The following PINLYP variants were observed in gnomAD, a reference collection of about 807,000 sequenced individuals.
PINLYP encodes phospholipase A2 inhibitor and LY6/PLAUR domain containing, also known as phospholipase A2 inhibitor and Ly6/PLAUR domain-containing protein.
In PINLYP, 12 loss-of-function variants were observed where a neutral mutation model predicts 15.8. That is an observed-to-expected ratio of 0.76 (90% CI 0.49 to 1.23). PINLYP has a LOEUF of 1.23. Ranked by LOEUF, PINLYP falls within the 50% of genes most tolerant of loss-of-function variation. The pLI, the probability that PINLYP is intolerant of heterozygous loss-of-function variation, is 0.00. For synonymous variants in PINLYP, 93 were observed against 97.7 expected, an observed-to-expected ratio of 0.95 and a Z score of 0.28; for missense variants, 278 against 264.2, an observed-to-expected ratio of 1.05 and a Z score of -0.36.
rs1041464439 is a variant in PINLYP at position 43,581,744 on chromosome 19, G to C, written c.481+41G>C. 3.3e-6 allele frequency: 5 copies of C among 1,535,792 alleles called. No homozygotes were observed. The Admixed American group carries it at 7.9e-5, about 24-fold the overall frequency. On this transcript the variant is annotated intron_variant, in intron 5 of 5. Coordinates refer to ENST00000599207, the Ensembl canonical transcript of PINLYP. ...ATCTCTGGAAAAGGAAACAGAACTA[G>C]AGGTCCAAACTTCTAGGTTCGATGG...
intron 3 of PINLYP, chr19:43,580,810 C>T: frequency 3.1e-6 from 2 of 645,448 alleles, no homozygotes; most frequent in African/African-American, 2.0e-5. Flanking sequence ...TGAAAGAGAC[C>T]GCCCCGGCCG....
chr19:43,576,732 G>A (rs948621596), exon 1 of PINLYP: 2 of 168,782 alleles, frequency 1.2e-5, no homozygotes, highest in South Asian at 2.8e-4. Flanking sequence ...CCCCGCACCC[G>A]CAGGACCAGC....
At chr19:43,580,488 A>T in intron 3 of PINLYP, 8 of 979,484 alleles carry the variant, frequency 8.2e-6, no homozygotes, top group Non-Finnish European at 9.7e-6. Context: ...GGTTCATTGG[A>T]AGAGACTACG....
intron 2 of PINLYP, among the ~76,000 whole-genome samples, chr19:43,577,886 T>A (rs985392383): frequency 1.3e-5 from 2 of 152,110 alleles, no homozygotes; most frequent in Non-Finnish European, 2.9e-5. Context: ...CCAGCCTGGG[T>A]GACAGAGCAA....
exon 4 of PINLYP, chr19:43,581,214 G>T (rs921651622): frequency 6.5e-7 from 1 of 1,536,816 alleles, no homozygotes; most frequent in Non-Finnish European, 8.7e-7. Context: ...TCCCACAGAG[G>T]GCAAGGAGTT....
intron 3 of PINLYP, 160 bp from the exon 4 acceptor site, chr19:43,581,052 C>A: frequency 1.1e-6 from 1 of 903,398 alleles, no homozygotes; most frequent in Non-Finnish European, 1.6e-6. Context: ...GCCTGGGCAA[C>A]TCCGTCTAAA....
chr19:43,581,068 TAAGAAAAGA>T, intron 3 of PINLYP, 135 bp from the exon 4 acceptor site: 4 of 1,019,316 alleles, frequency 3.9e-6, no homozygotes, highest in Non-Finnish European at 5.5e-6. Flanking sequence ...CTAAAAAAAA[TAAGAAAAGA>T]AAGAAAAAAA....
At chr19:43,578,880 G>C (rs1377530262) in intron 3 of PINLYP, 174 bp downstream of exon 3, 3 of 581,370 alleles carry the variant, frequency 5.2e-6, no homozygotes, top group Non-Finnish European at 9.4e-6. Flanking sequence ...ACAGAAATAA[G>C]TGGTGTGATA....
exon 3 of PINLYP, chr19:43,578,608 A>C: frequency 6.5e-7 from 1 of 1,535,934 alleles, no homozygotes. Flanking sequence ...CTACACTGCG[A>C]AATATGTACG....
At chr19:43,578,692 G>T (rs1207980618) in exon 3 of PINLYP, 1 of 1,535,784 alleles carries the variant, frequency 6.5e-7, no homozygotes, top group Non-Finnish European at 8.7e-7. Flanking sequence ...CTCCTGGTCG[G>T]GAAGGCTACT....
At chr19:43,575,576 G>A, upstream of PINLYP, 2 of 1,145,430 alleles carry the variant, frequency 1.7e-6, no homozygotes, top group Non-Finnish European at 2.4e-6. Flanking sequence ...GCAAGCGCGC[G>A]AGGCTCGGGC....
chr19:43,579,392 C>T (rs1482063717), intron 3 of PINLYP, among the ~76,000 whole-genome samples: 3 of 151,786 alleles, frequency 2.0e-5, no homozygotes, highest in Admixed American at 1.3e-4. Flanking sequence ...ATTACAGGTG[C>T]GTGCCACCAC....
chr19:43,577,251 C>A, exon 2 of PINLYP: 1 of 1,535,932 alleles, frequency 6.5e-7, no homozygotes, highest in Non-Finnish European at 8.7e-7. Context: ...TCTGCACCCT[C>A]CTGGGTCTTG....
At chr19:43,578,924 C>A (rs1002003644) in intron 3 of PINLYP, 4 of 493,050 alleles carry the variant, frequency 8.1e-6, no homozygotes, top group Non-Finnish European at 1.5e-5. Context: ...CTGAAAATGA[C>A]ACTGTCCTAA....
At position 43,581,196 on chromosome 19, in the gene PINLYP, T is replaced by C; in HGVS notation, c.188-16T>C. ...GTGGTCAGCCAGCACTGTCCCTGCC[T>C]GTCCCCATCCCACAGAGGGCAAGGA... On this transcript the variant is annotated splice_polypyrimidine_tract_variant and intron_variant, in intron 3 of 5. Coordinates refer to ENST00000599207, the Ensembl canonical transcript of PINLYP. 6.5e-7 allele frequency: 1 copy of C among 1,536,234 alleles called. No individual in the cohort carries two copies. Among genetic ancestry groups the C allele is most frequent in the Non-Finnish European group, 8.7e-7 (1 of 1,146,606 alleles).
intron 3 of PINLYP, chr19:43,580,671 T>C: frequency 1.0e-6 from 1 of 985,302 alleles, no homozygotes; most frequent in Non-Finnish European, 1.2e-6. Flanking sequence ...CAGGCTGAGG[T>C]TGGCAATGGG....
At chr19:43,581,693 C>T (rs766665406) in exon 5 of PINLYP, 249 of 1,536,192 alleles carry the variant, frequency 1.6e-4, no homozygotes, top group Admixed American at 4.9e-4. Flanking sequence ...TATCTGGACA[C>T]GTGCAGGCTG....
chr19:43,578,410 C>A (rs1972890293), intron 2 of PINLYP, among the ~76,000 whole-genome samples, 180 bp from the exon 3 acceptor site: 1 of 152,216 alleles, frequency 6.6e-6, no homozygotes, highest in Non-Finnish European at 1.5e-5. Context: ...TTGCTGGCAT[C>A]ACCACTGCTT....
intron 3 of PINLYP, chr19:43,578,988 AGG>A (rs1343284258): frequency 8.7e-6 from 3 of 345,106 alleles, no homozygotes; most frequent in Non-Finnish European, 1.7e-5. Context: ...TAGGCAGAAG[AGG>A]GGTAAGGAAA....
Sources: gnomAD v4.1 joint callset for allele counts (sites outside exome capture counted in the v4.1 genomes callset) on GRCh38, gnomAD v4.1.1 for gene constraint, MANE v1.5 for transcripts, NCBI Gene and HGNC (gene_info 2026-07-23, HGNC 2026-07-21) for gene names.